The following SQSTM1 variants were observed in gnomAD, a reference collection of about 807,000 sequenced individuals.
SQSTM1 encodes the protein sequestosome 1.
Under a neutral mutation model 45.1 loss-of-function variants are expected in SQSTM1, and 36 were observed. That is an observed-to-expected ratio of 0.80 (90% confidence interval 0.61 to 1.05). The LOEUF (loss-of-function observed/expected upper bound fraction) is 1.05. Among genes scored for constraint, SQSTM1 ranks in the 50% least tolerant of loss-of-function variants. The pLI, the probability that SQSTM1 is intolerant of heterozygous loss-of-function variation, is 0.00. For synonymous variants in SQSTM1, 290 were observed against 244.3 expected, an observed-to-expected ratio of 1.19 and a Z score of -1.74; for missense variants, 617 against 607.1, an observed-to-expected ratio of 1.02 and a Z score of -0.17.
Position 179,837,088 on chromosome 5 carries a change from G to T in SQSTM1, c.*495G>T. 1.2e-6 allele frequency: 1 copy of T among 869,344 alleles called. No homozygotes were observed. The highest frequency in any genetic ancestry group is 1.8e-6 in the Non-Finnish European group (1 of 542,188). The allele number at this position is 869,344 out of a possible 1,614,324, so 53.9% of individuals were successfully genotyped here. A position where few individuals can be genotyped will look rare whatever the true frequency, so the allele number is the denominator to read the frequency against. Reference sequence around the variant, plus strand: ...TCCTGCTGGGACTGAGAAGGCTCACGAAGGGCATCCGCAATGTTGGTTTCA... The same window carrying T: ...TCCTGCTGGGACTGAGAAGGCTCACTAAGGGCATCCGCAATGTTGGTTTCA... On this transcript the variant is annotated 3_prime_UTR_variant, in exon 8 of 8. Coordinates refer to ENST00000389805, the MANE Select transcript of SQSTM1 (RefSeq NM_003900.5).
In SQSTM1 at chr5:179,808,542, G is replaced by A. The variant is rs1717272904; in HGVS notation, c.-157+1951G>A. On this transcript the variant is annotated intron_variant, in intron 1 of 5. Transcript: ENST00000514093. ...TAAAACTTAGTCACCCAGAGGCCGG[G>A]CGCGGTGGCTCATGCCTGTAATCCC... is the stretch of plus-strand genomic sequence containing the variant. The A allele has an allele frequency of 2.0e-5, 3 of 152,228 alleles. No homozygotes were observed. The South Asian group carries it at 6.2e-4, about 32-fold the overall frequency. The allele number at this position is 152,228 out of a possible 1,614,324, so 9.4% of individuals were successfully genotyped here. A position where few individuals can be genotyped will look rare whatever the true frequency, so the allele number is the denominator to read the frequency against.
At chr5:179,819,331 C>T (rs1321858487), upstream of SQSTM1, among the ~76,000 whole-genome samples, 4 of 151,840 alleles carry the variant, frequency 2.6e-5, no homozygotes, top group African/African-American at 4.8e-5. Flanking sequence ...TCCCCGCCCC[C>T]CCCCCAGTCT....
intron 2 of SQSTM1, 26 bp downstream of exon 2, chr5:179,823,079 T>C (rs2113485378): frequency 1.3e-6 from 2 of 1,595,226 alleles, no homozygotes; most frequent in Non-Finnish European, 1.7e-6. Flanking sequence ...GGGGGCTGCC[T>C]GAAGCCAGCT....
In SQSTM1 at chr5:179,823,068, T is replaced by G. The variant is rs747081686; in HGVS notation, c.301+15T>G. 6.2e-7 allele frequency: 1 copy of G among 1,609,740 alleles called. No individual in the cohort carries two copies. Among genetic ancestry groups the G allele is most frequent in the Non-Finnish European group, 8.5e-7 (1 of 1,176,278 alleles). ...CTACATTAAAGGTAAGGGGCTGCTC[T>G]GGGGGCTGCCTGAAGCCAGCTCAGC... On this transcript the variant is annotated intron_variant, in intron 2 of 7. Transcript: ENST00000389805.
rs1184951394 is a variant in SQSTM1, at chr5:179,834,501, G to T, written c.1165+719G>T. 1.5e-4 allele frequency among the ~76,000 whole-genome samples: 23 copies of T among 151,916 alleles called. No individual in the cohort carries two copies. In the South Asian group the frequency reaches 1.7e-3, roughly 11 times the overall value. On this transcript the variant is annotated intron_variant, in intron 7 of 7. Transcript: ENST00000389805. Reference sequence around the variant, plus strand: ...GGTCATAGGACAATAGTGGAGGGAAGGTCAGCAGATAAACAAGTGAACAAA... The same window carrying T: ...GGTCATAGGACAATAGTGGAGGGAATGTCAGCAGATAAACAAGTGAACAAA...
At chr5:179,836,366 C>T in intron 7 of SQSTM1, 70 bp from the exon 8 acceptor site, 1 of 1,607,786 alleles carries the variant, frequency 6.2e-7, no homozygotes. Flanking sequence ...GCCAAGGCAG[C>T]AGGGTATGTG....
chr5:179,833,312 C>T (rs570009852), intron 6 of SQSTM1, 66 bp downstream of exon 6: 15 of 1,437,324 alleles, frequency 1.0e-5, no homozygotes, highest in African/African-American at 7.0e-5. Flanking sequence ...CCTGCACCTC[C>T]GCCTCATCCT....
chr5:179,826,252 C>G (rs866410333), intron 5 of SQSTM1, among the ~76,000 whole-genome samples: 1 of 151,998 alleles, frequency 6.6e-6, no homozygotes, highest in African/African-American at 2.4e-5. Flanking sequence ...GCAACCTCCC[C>G]CTCCTGGGTT....
At chr5:179,823,800 CAG>C (rs1439973321) in intron 2 of SQSTM1, 56 bp from the exon 3 acceptor site, 56 of 1,574,218 alleles carry the variant, frequency 3.6e-5, no homozygotes, top group African/African-American at 2.7e-4. Flanking sequence ...ACAGTGACGA[CAG>C]AGGGGGAGGA....
chr5:179,823,295 G>T (rs529318161), intron 2 of SQSTM1, among the ~76,000 whole-genome samples: 35 of 151,820 alleles, frequency 2.3e-4, no homozygotes, highest in African/African-American at 8.2e-4. Context: ...GTGAAACCTT[G>T]TCGCTACTAA....
intron 7 of SQSTM1, among the ~76,000 whole-genome samples, chr5:179,834,156 A>G (rs3894460): frequency 0.069 from 6,841 of 99,660 alleles, 597 homozygotes; most frequent in African/African-American, 0.2. Flanking sequence ...CTGGTCTGAG[A>G]GGGGGGGGGG....
intron 1 of SQSTM1, among the ~76,000 whole-genome samples, chr5:179,810,422 G>A (rs749081627): frequency 4.6e-5 from 7 of 152,268 alleles, no homozygotes; most frequent in Admixed American, 6.5e-5. Flanking sequence ...AGCTTCATCC[G>A]TGTCCCTACA....
chr5:179,812,006 GTGTTAGCCAGGA>G (rs1213925956), intron 2 of SQSTM1: 1 of 152,020 alleles, frequency 6.6e-6, no homozygotes, highest in Non-Finnish European at 1.5e-5. Context: ...GGGTTTCACC[GTGTTAGCCAGGA>G]TGGTCTCGAT....
chr5:179,812,460 T>G (rs1204274859), intron 2 of SQSTM1: 1 of 152,242 alleles, frequency 6.6e-6, no homozygotes, highest in Non-Finnish European at 1.5e-5. Flanking sequence ...CCTGGGCGTG[T>G]GTACTTCCAC....
In SQSTM1 at chr5:179,837,693, T is replaced by C; in HGVS notation, c.*1100T>C. 4 of 1,614,234 alleles carry C rather than the reference T, an allele frequency of 2.5e-6. No individual in the cohort carries two copies. Among genetic ancestry groups the C allele is most frequent in the South Asian group, 1.1e-5 (1 of 91,088 alleles). ...CTCTGAAGAGACCTTGGCTGCTCAC[T>C]GTCCACATGTGAACTTTTTCTAGGT... On this transcript the variant is annotated 3_prime_UTR_variant, in exon 8 of 8. Transcript: ENST00000389805.
chr5:179,830,452 T>C (rs1758163176), intron 5 of SQSTM1, among the ~76,000 whole-genome samples: 1 of 152,122 alleles, frequency 6.6e-6, no homozygotes, highest in South Asian at 2.1e-4. Flanking sequence ...TGGAGAGCAG[T>C]GGTACAGTTG....
chr5:179,808,741 T>A (rs1289045446), intron 1 of SQSTM1, among the ~76,000 whole-genome samples: 1 of 152,148 alleles, frequency 6.6e-6, no homozygotes, highest in Non-Finnish European at 1.5e-5. Flanking sequence ...TCATTTGAGC[T>A]CATCAGTTCA....
At chr5:179,821,439 C>G (rs1443436377) in intron 1 of SQSTM1, 1 of 610,400 alleles carries the variant, frequency 1.6e-6, no homozygotes, top group Admixed American at 2.1e-5. Context: ...GCTCCACCCC[C>G]CGCGCTGTTG....
rs1185406298 is a variant in SQSTM1 at position 179,833,612 on chromosome 5, C to T, written c.995C>T (p.Ser332Leu). ...PEEQMESDNC[S>L]GGDDDWTHLS... is the part of the protein sequence containing the mutation. ...GAACAGATGGAGTCGGATAACTGTT[C>T]AGGAGGAGATGATGACTGGACCCAT... The change falls in exon 7 of 8, where the codon TCA becomes TTA. Residue 332 changes from serine (S) to leucine (L), a missense_variant. Physicochemically the swap from Ser to Leu is moderately radical, Grantham distance 145. Coordinates refer to ENST00000389805, the MANE Select transcript of SQSTM1 (RefSeq NM_003900.5). 6.2e-7 allele frequency: 1 copy of T among 1,614,132 alleles called. No homozygotes were observed. The highest frequency in any genetic ancestry group is 8.5e-7 in the Non-Finnish European group (1 of 1,180,028).
Sources: allele counts gnomAD v4.1 joint callset (sites outside exome capture counted in the v4.1 genomes callset), GRCh38; gene constraint gnomAD v4.1.1; transcripts MANE v1.5; gene names NCBI Gene and HGNC (gene_info 2026-07-23, HGNC 2026-07-21).